The following SUGCT variants were observed in gnomAD, a reference collection of about 807,000 sequenced individuals.
SUGCT encodes succinyl-CoA:glutarate-CoA transferase, also known as succinyl-CoA:glutarate CoA-transferase.
Under a neutral mutation model 55.0 loss-of-function variants are expected in SUGCT, and 41 were observed. The ratio of observed to expected loss-of-function variants is 0.74; its 90% CI spans 0.58 to 0.97. SUGCT has a LOEUF of 0.97. Ranked by LOEUF, SUGCT falls within the 50% of genes least tolerant of loss-of-function variation. The probability of loss-of-function intolerance (pLI) is 0.00; values close to 1 mark genes in which losing one functional copy is unlikely to be tolerated. For synonymous variants in SUGCT, 187 were observed against 200.4 expected, an observed-to-expected ratio of 0.93 and a Z score of 0.56; for missense variants, 568 against 547.8, an observed-to-expected ratio of 1.04 and a Z score of -0.37.
chr7:40,760,695 G>C (rs1788485689), intron 13 of SUGCT, among the ~76,000 whole-genome samples: 1 of 151,780 alleles, frequency 6.6e-6, no homozygotes, highest in Admixed American at 6.6e-5. Flanking sequence ...TGCATGTGTG[G>C]TGTGCATACA....
In SUGCT at chr7:40,517,832, A is replaced by G. The variant is rs572863644; in HGVS notation, c.1089+21446A>G. ...TCATGCTGTCATTCTGGAAGTTGCCACCCCTTCTACCCATCCCGGTAGATC... is the reference window on the plus strand; with the variant it reads ...TCATGCTGTCATTCTGGAAGTTGCCGCCCCTTCTACCCATCCCGGTAGATC... On this transcript the variant is annotated intron_variant, in intron 12 of 13. Transcript: ENST00000335693. 4.6e-5 allele frequency among the ~76,000 whole-genome samples: 7 copies of G among 152,126 alleles called. No individual in the cohort carries two copies. The East Asian group carries it at 1.4e-3, about 29-fold the overall frequency.
At chr7:40,289,108 C>T (rs1237475445) in intron 8 of SUGCT, among the ~76,000 whole-genome samples, 1 of 152,076 alleles carries the variant, frequency 6.6e-6, no homozygotes, top group Non-Finnish European at 1.5e-5. Flanking sequence ...ATCCCCAGAA[C>T]CTATGAATAT....
chr7:40,319,709 G>A (rs1475009383), intron 9 of SUGCT, among the ~76,000 whole-genome samples: 1 of 151,986 alleles, frequency 6.6e-6, no homozygotes, highest in Non-Finnish European at 1.5e-5. Flanking sequence ...CCTATTCTTT[G>A]GCTGCCAGCT....
chr7:40,200,016 A>G (rs1385282733), intron 6 of SUGCT, among the ~76,000 whole-genome samples: 1 of 152,206 alleles, frequency 6.6e-6, no homozygotes, highest in African/African-American at 2.4e-5. Flanking sequence ...GGGACAGGGA[A>G]GAGAGAACCA....
chr7:40,534,754 A>G (rs1794273513), intron 12 of SUGCT, among the ~76,000 whole-genome samples: 1 of 152,172 alleles, frequency 6.6e-6, no homozygotes, highest in Admixed American at 6.6e-5. Context: ...ATTTCCAGTA[A>G]TTTCCGAATA....
At chr7:40,797,633 A>C (rs1026337496) in intron 13 of SUGCT, among the ~76,000 whole-genome samples, 3 of 152,056 alleles carry the variant, frequency 2.0e-5, no homozygotes, top group African/African-American at 7.2e-5. Flanking sequence ...GGGCTTTCTC[A>C]TGTCCAACCT....
intron 13 of SUGCT, among the ~76,000 whole-genome samples, chr7:40,780,033 T>C (rs966180737): frequency 5.3e-5 from 8 of 152,188 alleles, no homozygotes; most frequent in African/African-American, 1.7e-4. Context: ...TCTAATGGTT[T>C]TATTTACCTA....
At chr7:40,468,319 A>G (rs922406868) in intron 11 of SUGCT, among the ~76,000 whole-genome samples, 1 of 151,974 alleles carries the variant, frequency 6.6e-6, no homozygotes, top group East Asian at 1.9e-4. Context: ...CAGTTAAGTA[A>G]TATCTGTAAT....
Position 40,499,266 on chromosome 7 carries a change from G to A in SUGCT, c.1089+2880G>A, listed in dbSNP as rs1038024693. ...GGTATGTCTAACAACAACAACAAAA[G>A]CCAGGATTGGGAGACTCAGTAACGG... On this transcript the variant is annotated intron_variant, in intron 12 of 13. Coordinates refer to ENST00000335693, the MANE Select transcript of SUGCT (RefSeq NM_001193313.2). 4.8e-4 allele frequency: 145 copies of A among 301,046 alleles called. 1 individual carries two copies. The highest frequency in any genetic ancestry group is 3.2e-3 in the African/African-American group (143 of 45,138). 18.6% of individuals were successfully genotyped at this position (301,046 alleles called of 1,614,324 possible).
At chr7:40,218,545 C>T (rs187301952) in intron 6 of SUGCT, among the ~76,000 whole-genome samples, 3 of 152,314 alleles carry the variant, frequency 2.0e-5, no homozygotes, top group Admixed American at 1.3e-4. Flanking sequence ...ATGCACCAAT[C>T]AGCGCTCTGT....
intron 12 of SUGCT, among the ~76,000 whole-genome samples, chr7:40,580,777 A>G (rs1224294549): frequency 6.6e-6 from 1 of 152,124 alleles, no homozygotes; most frequent in East Asian, 1.9e-4. Flanking sequence ...GTACTTTTTT[A>G]TGTTTAGATA....
chr7:41,007,589 T>C, the SUGCT span, among the ~76,000 whole-genome samples: 2 of 152,190 alleles, frequency 1.3e-5, no homozygotes, highest in African/African-American at 2.4e-5. Context: ...CAATGCCAGA[T>C]AGATTCCCTT....
intron 9 of SUGCT, among the ~76,000 whole-genome samples, chr7:40,355,941 TTTCTC>T (rs1797865920): frequency 6.6e-6 from 1 of 152,254 alleles, no homozygotes; most frequent in Non-Finnish European, 1.5e-5. Context: ...TTATTAGACT[TTTCTC>T]TTGATATTTT....
At chr7:40,698,706 A>G (rs1289366890) in intron 12 of SUGCT, among the ~76,000 whole-genome samples, 1 of 152,216 alleles carries the variant, frequency 6.6e-6, no homozygotes, top group Non-Finnish European at 1.5e-5. Context: ...TTGAAGCATT[A>G]CATTTTACTA....
intron 12 of SUGCT, among the ~76,000 whole-genome samples, chr7:40,562,158 G>C (rs1795874223): frequency 6.6e-6 from 1 of 151,838 alleles, no homozygotes; most frequent in African/African-American, 2.4e-5. Context: ...AATTAGCCGG[G>C]TGTGGTGGTG....
chr7:40,599,701 A>C (rs933724133), intron 12 of SUGCT, among the ~76,000 whole-genome samples: 4 of 152,150 alleles, frequency 2.6e-5, no homozygotes, highest in Non-Finnish European at 5.9e-5. Context: ...AATACATAAT[A>C]AACTGTAGTA....
chr7:40,257,237 T>A (rs987610511), intron 7 of SUGCT, among the ~76,000 whole-genome samples: 1 of 152,206 alleles, frequency 6.6e-6, no homozygotes, highest in Non-Finnish European at 1.5e-5. Context: ...TTTAATTTTT[T>A]AAGATAGAAT....
intron 13 of SUGCT, among the ~76,000 whole-genome samples, chr7:40,800,072 A>G (rs1213751743): frequency 2.6e-5 from 4 of 152,274 alleles, no homozygotes; most frequent in African/African-American, 7.2e-5. Flanking sequence ...TCTGACATTC[A>G]AAAGTCATTG....
At chr7:40,346,792 A>T (rs544869070) in intron 9 of SUGCT, among the ~76,000 whole-genome samples, 86 of 152,284 alleles carry the variant, frequency 5.6e-4, no homozygotes, top group Admixed American at 9.2e-4. Context: ...CCAAGAAGAG[A>T]CACTAGAGAG....
Sources: gnomAD v4.1 joint callset for allele counts (sites outside exome capture counted in the v4.1 genomes callset) on GRCh38, gnomAD v4.1.1 for gene constraint, MANE v1.5 for transcripts, NCBI Gene and HGNC (gene_info 2026-07-23, HGNC 2026-07-21) for gene names.